ZMAT4: variants seen among roughly 807,000 people sequenced by gnomAD.
ZMAT4 encodes zinc finger matrin-type protein 4.
ZMAT4 carries 17 observed loss-of-function variants against 28.7 expected under a neutral mutation model. The observed-to-expected ratio is 0.59, with a 90% CI of 0.41 to 0.89. The LOEUF is 0.89. ZMAT4 is among the 40% of genes least tolerant of loss of function. ZMAT4 has a pLI of 0.00. For missense variants in ZMAT4, 240 were observed against 283.8 expected, an observed-to-expected ratio of 0.85 and a Z score of 1.11; for synonymous variants, 117 against 109.2, an observed-to-expected ratio of 1.07 and a Z score of -0.44.
chr8:40,731,143 C>A (rs189538860), intron 3 of ZMAT4, among the ~76,000 whole-genome samples: 86 of 152,260 alleles, frequency 5.6e-4, no homozygotes, highest in African/African-American at 1.9e-3. Flanking sequence ...ATTGTTGCAC[C>A]TCCCCATTTG....
At chr8:40,772,985 C>T (rs1478084772) in intron 2 of ZMAT4, among the ~76,000 whole-genome samples, 1 of 152,132 alleles carries the variant, frequency 6.6e-6, no homozygotes, top group Admixed American at 6.5e-5. Flanking sequence ...TGGCAAAACC[C>T]CAGGAAGCAT....
chr8:40,884,186 CCT>C (rs1818377137), intron 1 of ZMAT4, among the ~76,000 whole-genome samples: 1 of 151,318 alleles, frequency 6.6e-6, no homozygotes, highest in South Asian at 2.1e-4. Flanking sequence ...CCCCACCCCG[CCT>C]CACCCACCCC....
chr8:40,586,904 C>CA (rs1804687043), intron 5 of ZMAT4, among the ~76,000 whole-genome samples: 1 of 151,838 alleles, frequency 6.6e-6, no homozygotes, highest in Non-Finnish European at 1.5e-5. Context: ...TAAGCAGGAT[C>CA]ATGAGGAAGA....
chr8:40,636,965 TA>T (rs1193483248), intron 5 of ZMAT4, among the ~76,000 whole-genome samples: 1 of 152,110 alleles, frequency 6.6e-6, no homozygotes, highest in Non-Finnish European at 1.5e-5. Flanking sequence ...TAGGTATCTT[TA>T]AAAAGTAATT....
At chr8:40,548,680 A>G (rs756596994) in intron 6 of ZMAT4, among the ~76,000 whole-genome samples, 9 of 152,196 alleles carry the variant, frequency 5.9e-5, no homozygotes, top group Non-Finnish European at 1.0e-4. Flanking sequence ...ATGTGTGCAG[A>G]TTCACTCCAC....
intron 1 of ZMAT4, among the ~76,000 whole-genome samples, chr8:40,853,325 G>A (rs986425245): frequency 3.3e-5 from 5 of 152,188 alleles, no homozygotes; most frequent in African/African-American, 9.6e-5. Flanking sequence ...GGGAGGCCGA[G>A]CCAGGTGAAC....
At chr8:40,815,168 G>C (rs1178116400) in intron 2 of ZMAT4, among the ~76,000 whole-genome samples, 1 of 152,110 alleles carries the variant, frequency 6.6e-6, no homozygotes, top group African/African-American at 2.4e-5. Flanking sequence ...CCAGCTACTC[G>C]AGTGGCTGAT....
At chr8:40,819,125 G>GA (rs1420105717) in intron 2 of ZMAT4, among the ~76,000 whole-genome samples, 1 of 151,980 alleles carries the variant, frequency 6.6e-6, no homozygotes, top group Non-Finnish European at 1.5e-5. Context: ...AGCAGAAACA[G>GA]AAAAAATATA....
intron 2 of ZMAT4, among the ~76,000 whole-genome samples, chr8:40,775,154 A>G (rs954047021): frequency 3.3e-5 from 5 of 152,242 alleles, no homozygotes; most frequent in Admixed American, 6.5e-5. Flanking sequence ...GTGATTGAGC[A>G]TGTGAAGGAA....
At chr8:40,792,252 T>C (rs934671548) in intron 2 of ZMAT4, among the ~76,000 whole-genome samples, 4 of 151,960 alleles carry the variant, frequency 2.6e-5, no homozygotes, top group Admixed American at 2.6e-4. Flanking sequence ...CAATTTCATA[T>C]GGTTCAACCT....
At chr8:40,644,130 T>G (rs868567882) in intron 5 of ZMAT4, among the ~76,000 whole-genome samples, 1 of 152,098 alleles carries the variant, frequency 6.6e-6, no homozygotes, top group African/African-American at 2.4e-5. Flanking sequence ...AAGCTTATAG[T>G]AGAGAAATGG....
chr8:40,691,144 C>T (rs979456422), intron 4 of ZMAT4, among the ~76,000 whole-genome samples: 1 of 152,110 alleles, frequency 6.6e-6, no homozygotes, highest in Non-Finnish European at 1.5e-5. Context: ...AATCAATATA[C>T]AACCTTGATG....
intron 3 of ZMAT4, among the ~76,000 whole-genome samples, chr8:40,701,722 TG>T (rs1275383102): frequency 6.6e-6 from 1 of 151,882 alleles, no homozygotes; most frequent in Non-Finnish European, 1.5e-5. Flanking sequence ...TTCACCATGT[TG>T]GCCAAGCTAG....
At chr8:40,561,529 T>G (rs145339177) in intron 6 of ZMAT4, among the ~76,000 whole-genome samples, 1 of 152,218 alleles carries the variant, frequency 6.6e-6, no homozygotes, top group East Asian at 1.9e-4. Flanking sequence ...CAGTCTGTCC[T>G]TAGAGGTCCC....
intron 5 of ZMAT4, among the ~76,000 whole-genome samples, chr8:40,585,379 C>T (rs1052926075): frequency 6.6e-6 from 1 of 152,040 alleles, no homozygotes; most frequent in Non-Finnish European, 1.5e-5. Context: ...GATGCATCCT[C>T]CAGTGATCAT....
chr8:40,877,348 A>C (rs949679252), intron 1 of ZMAT4, among the ~76,000 whole-genome samples: 1 of 152,208 alleles, frequency 6.6e-6, no homozygotes, highest in African/African-American at 2.4e-5. Context: ...AGTAACTAAT[A>C]CAATAGTTAA....
intron 3 of ZMAT4, among the ~76,000 whole-genome samples, chr8:40,701,268 T>C (rs1359100949): frequency 1.3e-5 from 2 of 152,204 alleles, no homozygotes; most frequent in East Asian, 1.9e-4. Context: ...CCAATTCTTA[T>C]ACAATAATGT....
chr8:40,771,391 T>A (rs1029948008), intron 2 of ZMAT4, among the ~76,000 whole-genome samples: 3 of 151,772 alleles, frequency 2.0e-5, no homozygotes, highest in African/African-American at 7.3e-5. Flanking sequence ...CTGGTTTTTA[T>A]TTTTTATTTT....
chr8:40,725,992 T>C (rs926725327), intron 3 of ZMAT4, among the ~76,000 whole-genome samples: 17 of 152,252 alleles, frequency 1.1e-4, no homozygotes, highest in Non-Finnish European at 2.2e-4. Flanking sequence ...ATCTTACTTA[T>C]TTCTCAACAG....
Sources: gnomAD v4.1 joint callset for allele counts (sites outside exome capture counted in the v4.1 genomes callset) on GRCh38, gnomAD v4.1.1 for gene constraint, MANE v1.5 for transcripts, NCBI Gene and HGNC (gene_info 2026-07-23, HGNC 2026-07-21) for gene names.